Variants in FHIP1A observed in about 807,000 individuals in gnomAD.
FHIP1A encodes the protein FHF complex subunit HOOK interacting protein 1A, also known as FHF complex subunit HOOK-interacting protein 1A.
FHIP1A carries 61 observed loss-of-function variants against 88.6 expected under a neutral mutation model. The ratio of observed to expected loss-of-function variants is 0.69; its 90% CI spans 0.56 to 0.85. The LOEUF is 0.85. FHIP1A is among the 40% of genes least tolerant of loss of function. The pLI is 0.00. For synonymous variants in FHIP1A, 478 were observed against 496.0 expected (o/e 0.96, Z 0.48); for missense variants, 1,154 against 1,273.5 (o/e 0.91, Z 1.43).
chr4:151,605,747 A>G (rs528020985), intron 7 of FHIP1A, among the ~76,000 whole-genome samples: 11 of 152,368 alleles, frequency 7.2e-5, no homozygotes, highest in South Asian at 4.1e-4. Context: ...TGCAAGCTCA[A>G]TAATTCATGG....
chr4:151,603,587 A>G (rs1022754847), intron 7 of FHIP1A, among the ~76,000 whole-genome samples: 22 of 152,168 alleles, frequency 1.4e-4, no homozygotes, highest in Admixed American at 1.4e-3. Flanking sequence ...GTATTTGACC[A>G]CTGGCTAGAT....
rs749831240 is a variant in FHIP1A, at chr4:151,650,055, G to T, written c.2014G>T (p.Ala672Ser). Reference sequence around the variant, plus strand: ...TGCTAGGCCACCAGCTGAAGCCCAGGCTGAAGTTCAGAGTGTCCCCATCAA... The same window carrying T: ...TGCTAGGCCACCAGCTGAAGCCCAGTCTGAAGTTCAGAGTGTCCCCATCAA... ...EAARPPAEAQ[A>S]EVQSVPINNG... The change falls in exon 11 of 14, where the codon GCT becomes TCT. Residue 672 changes from alanine to serine, a missense_variant. Physicochemically the swap from Ala to Ser is moderately conservative, Grantham distance 99. Coordinates refer to ENST00000435205, the MANE Select transcript of FHIP1A (RefSeq NM_001109977.3). 2.6e-6 allele frequency: 4 copies of T among 1,551,666 alleles called. 1 individual carries two copies. In the South Asian group the frequency reaches 4.8e-5, roughly 18 times the overall value.
intron 2 of FHIP1A, among the ~76,000 whole-genome samples, chr4:151,457,580 T>C (rs1729010485): frequency 6.6e-6 from 1 of 152,254 alleles, no homozygotes; most frequent in Non-Finnish European, 1.5e-5. Context: ...TCCCTCCACC[T>C]GTCACATATA....
In FHIP1A at chr4:151,664,019, C is replaced by G. The variant is rs1578879940; in HGVS notation, c.*1265C>G. ...TTAAACCACCACCAAGAGGGGAAAACAGAATAATTGTGAGCTGAAAATGAG... is the reference window on the plus strand; with the variant it reads ...TTAAACCACCACCAAGAGGGGAAAAGAGAATAATTGTGAGCTGAAAATGAG... On this transcript the variant is annotated 3_prime_UTR_variant, in exon 14 of 14. Coordinates refer to ENST00000435205, the MANE Select transcript of FHIP1A (RefSeq NM_001109977.3). 6.6e-6 allele frequency among the ~76,000 whole-genome samples: 1 copy of G among 152,268 alleles called. No homozygotes were observed. The highest frequency in any genetic ancestry group is 1.9e-4 in the East Asian group (1 of 5,184).
chr4:151,656,897 A>G lies in FHIP1A; in HGVS notation c.2868A>G (p.Lys956=), dbSNP rs750850332. The change falls in exon 13 of 14, where the codon AAA becomes AAG. Residue 956 remains lysine, a splice_region_variant and synonymous_variant. Coordinates refer to ENST00000435205, the MANE Select transcript of FHIP1A (RefSeq NM_001109977.3). This position sits in a 1 kb window ranked among gnomAD's most constrained non-coding sequence, Gnocchi z 4.2. The part of the protein sequence containing the change: ...MSDMTPAALT[K]DPIQEASRTG... The stretch of plus-strand genomic sequence containing the variant: ...ATATGACCCCTGCAGCACTAACCAA[A>G]GGTAAGCCAGGTTTCTCCACAGCGC... 1 of 1,547,770 alleles carries G rather than the reference A, an allele frequency of 6.5e-7. No homozygotes were observed. Among genetic ancestry groups the G allele is most frequent in the Non-Finnish European group, 8.7e-7 (1 of 1,145,016 alleles).
intron 3 of FHIP1A, among the ~76,000 whole-genome samples, chr4:151,484,218 A>G (rs1451713694): frequency 1.3e-5 from 2 of 152,152 alleles, no homozygotes; most frequent in Non-Finnish European, 2.9e-5. Context: ...AATCCTGGGG[A>G]TAACCTATAG....
chr4:151,454,878 T>G (rs1164566191), intron 2 of FHIP1A, 70 bp downstream of exon 2: 1 of 152,134 alleles, frequency 6.6e-6, no homozygotes, highest in Non-Finnish European at 1.5e-5. Flanking sequence ...TTATGTGGCT[T>G]AATGTTAATT....
chr4:151,446,406 T>C (rs1728600610), intron 1 of FHIP1A, among the ~76,000 whole-genome samples: 1 of 151,996 alleles, frequency 6.6e-6, no homozygotes, highest in African/African-American at 2.4e-5. Flanking sequence ...ATATTCTGGA[T>C]ATACTGTACA....
chr4:151,448,849 A>T (rs1055860458), intron 1 of FHIP1A, among the ~76,000 whole-genome samples: 3 of 152,056 alleles, frequency 2.0e-5, no homozygotes, highest in Non-Finnish European at 2.9e-5. Context: ...ATCATATGGA[A>T]GTTTTATCTT....
In FHIP1A at chr4:151,656,857, G is replaced by C. The variant is rs369369956; in HGVS notation, c.2828G>C (p.Arg943Pro). The C allele has an allele frequency of 1.3e-6, 2 of 1,551,412 alleles. No homozygotes were observed. The highest frequency in any genetic ancestry group is 1.7e-6 in the Non-Finnish European group (2 of 1,146,898). ...CAAGCTCAGCAGTACCTGCTCTTCC[G>C]TGTGGACATGTCTGATATGACCCCT... ...LIQAQQYLLF[R>P]VDMSDMTPAA... is the part of the protein sequence containing the mutation. Residue 943 changes from arginine to proline, a missense_variant, in exon 13 of 14, where the codon CGT becomes CCT. By Grantham distance (103) the Arg-to-Pro change is moderately radical (BLOSUM62 -2). Coordinates refer to ENST00000435205, the MANE Select transcript of FHIP1A (RefSeq NM_001109977.3). This position sits in a 1 kb window ranked among gnomAD's most constrained non-coding sequence, Gnocchi z 4.2.
At chr4:151,584,860 A>G (rs776909959) in intron 5 of FHIP1A, among the ~76,000 whole-genome samples, 5 of 150,636 alleles carry the variant, frequency 3.3e-5, no homozygotes, top group Non-Finnish European at 7.4e-5. Context: ...TCTTCCCCCT[A>G]CTCTTTTTCT....
intron 1 of FHIP1A, among the ~76,000 whole-genome samples, chr4:151,413,674 C>T (rs926390811): frequency 6.6e-6 from 1 of 151,884 alleles, no homozygotes; most frequent in African/African-American, 2.4e-5. Flanking sequence ...AGGCTGGTCT[C>T]GAATTCCTGG....
At chr4:151,648,893 G>A (rs1409589619) in intron 10 of FHIP1A, among the ~76,000 whole-genome samples, 1 of 151,986 alleles carries the variant, frequency 6.6e-6, no homozygotes, top group African/African-American at 2.4e-5. Flanking sequence ...CAGCATTCTT[G>A]GGTTAAAATG....
intron 13 of FHIP1A, among the ~76,000 whole-genome samples, chr4:151,661,844 G>A (rs1737469535): frequency 6.6e-6 from 1 of 152,174 alleles, no homozygotes; most frequent in Non-Finnish European, 1.5e-5. Context: ...ATTCCCCATG[G>A]TTGCAGGAAG....
At chr4:151,506,204 G>A (rs1438223813) in intron 3 of FHIP1A, among the ~76,000 whole-genome samples, 1 of 152,092 alleles carries the variant, frequency 6.6e-6, no homozygotes, top group Non-Finnish European at 1.5e-5. Flanking sequence ...CACTGTGCCT[G>A]GCCTAAATGG....
chr4:151,603,356 ACC>A lies in FHIP1A; in HGVS notation c.978+14433_978+14434del, dbSNP rs1734947506. Among the ~76,000 whole-genome samples, 3 of 151,214 alleles carry A rather than the reference ACC, an allele frequency of 2.0e-5. No homozygotes were observed. The South Asian group carries it at 6.3e-4, about 32-fold the overall frequency. Reference sequence around the variant, plus strand: ...ATTGTAAAGAATCGCTTTATTAACAACCCCTGGGGCTTCTGACTCCCTGGACC... The same window carrying A: ...ATTGTAAAGAATCGCTTTATTAACAACCTGGGGCTTCTGACTCCCTGGACC... On this transcript the variant is annotated intron_variant, in intron 7 of 13. Coordinates refer to ENST00000435205, the MANE Select transcript of FHIP1A (RefSeq NM_001109977.3).
chr4:151,662,405 T>C (rs532541897), intron 13 of FHIP1A, 96 bp from the exon 14 acceptor site: 113 of 1,334,502 alleles, frequency 8.5e-5, no homozygotes, highest in Non-Finnish European at 1.0e-4. Context: ...AACTAGATAC[T>C]CTCCAGCAAC....
chr4:151,653,847 A>G (rs1737126030), intron 11 of FHIP1A, among the ~76,000 whole-genome samples: 1 of 152,056 alleles, frequency 6.6e-6, no homozygotes, highest in Admixed American at 6.5e-5. Flanking sequence ...AGGCAGGGGA[A>G]CGGGAGAGCG....
At chr4:151,452,441 A>C (rs549372327) in intron 1 of FHIP1A, among the ~76,000 whole-genome samples, 105 of 152,308 alleles carry the variant, frequency 6.9e-4, no homozygotes, top group African/African-American at 2.4e-3. Flanking sequence ...AAAGTGATAC[A>C]TCAGGCTGGC....
Sources: allele counts gnomAD v4.1 joint callset (sites outside exome capture counted in the v4.1 genomes callset), GRCh38; gene constraint gnomAD v4.1.1; non-coding constraint Gnocchi (gnomAD v3.1); transcripts MANE v1.5; gene names NCBI Gene and HGNC (gene_info 2026-07-23, HGNC 2026-07-21).